FAM120A: variants seen among roughly 807,000 people sequenced by gnomAD.
FAM120A encodes constitutive coactivator of PPAR-gamma-like protein 1.
Under a neutral mutation model 109.7 loss-of-function variants are expected in FAM120A, and 15 were observed. That is an observed-to-expected ratio of 0.14 (90% confidence interval 0.09 to 0.21). FAM120A has a LOEUF of 0.21. FAM120A is among the 10% of genes least tolerant of loss of function. The pLI is 1.00. For synonymous variants in FAM120A, 493 were observed against 572.8 expected, an observed-to-expected ratio of 0.86 and a Z score of 1.99; for missense variants, 899 against 1,439.3, an observed-to-expected ratio of 0.62 and a Z score of 6.07.
intron 10 of FAM120A, among the ~76,000 whole-genome samples, chr9:93,540,524 G>A (rs113884921): frequency 1.3e-3 from 199 of 152,308 alleles, no homozygotes; most frequent in African/African-American, 4.5e-3. Context: ...AGGACTCGGA[G>A]CAGCCTTTGG....
intron 5 of FAM120A, among the ~76,000 whole-genome samples, chr9:93,511,116 C>T (rs1202250313): frequency 2.0e-5 from 3 of 151,850 alleles, no homozygotes; most frequent in East Asian, 3.9e-4. Flanking sequence ...AATTTGCTTC[C>T]GTGGTTTAAT....
intron 4 of FAM120A, among the ~76,000 whole-genome samples, chr9:93,497,912 T>C (rs1859641727): frequency 6.6e-6 from 1 of 152,222 alleles, no homozygotes; most frequent in African/African-American, 2.4e-5. Flanking sequence ...CTTAATAGGA[T>C]CTGTATTTCA....
chr9:93,504,800 C>T (rs1368733962), intron 5 of FAM120A, among the ~76,000 whole-genome samples: 3 of 152,160 alleles, frequency 2.0e-5, no homozygotes, highest in Admixed American at 2.0e-4. Flanking sequence ...CAGGGAACCT[C>T]CAGGGTAGGG....
At chr9:93,557,127 G>GTTTTTTTTTTTTTTTTTTTTTTTTGTT (rs60903831) in intron 13 of FAM120A, among the ~76,000 whole-genome samples, 1 of 120,188 alleles carries the variant, frequency 8.3e-6, no homozygotes. Flanking sequence ...GTTTGTTTTG[G>GTTTTTTTTTTTTTTTTTTTTTTTTGTT]TTTTTTTTTT....
intron 17 of FAM120A, among the ~76,000 whole-genome samples, chr9:93,563,594 T>C (rs1306197541): frequency 2.0e-5 from 3 of 152,216 alleles, no homozygotes; most frequent in South Asian, 4.1e-4. Context: ...GGTCTAATGA[T>C]AGGAGCAATT....
At position 93,529,436 on chromosome 9, in the gene FAM120A, G is replaced by A. The variant is rs144836182; in HGVS notation, c.1590G>A (p.Pro530=). The A allele has an allele frequency of 3.1e-5, 50 of 1,614,068 alleles. No homozygotes were observed. The highest frequency in any genetic ancestry group is 1.1e-4 in the East Asian group (5 of 44,888). ...AGATGGGCACTGTCCAGCCAATCCC[G>A]TGCCTCCTGTCGATGCCCACCAGGA... is the stretch of plus-strand genomic sequence containing the variant. ...GSQMGTVQPI[P]CLLSMPTRNH... is the part of the protein sequence containing the mutation. The change falls in exon 9 of 18, where the codon CCG becomes CCA. Residue 530 remains proline (P), a synonymous_variant. Coordinates refer to ENST00000277165, the MANE Select transcript of FAM120A (RefSeq NM_014612.5).
chr9:93,505,431 A>T (rs1860003813), intron 5 of FAM120A, among the ~76,000 whole-genome samples: 1 of 152,152 alleles, frequency 6.6e-6, no homozygotes, highest in South Asian at 2.1e-4. Context: ...TATATATTGG[A>T]TGCTAGTCAG....
chr9:93,533,643 C>A (rs577083639), intron 10 of FAM120A, among the ~76,000 whole-genome samples: 2 of 152,208 alleles, frequency 1.3e-5, no homozygotes. Context: ...TTGCACATGG[C>A]TGGTCACTTG....
chr9:93,493,450 A>G (rs1364501701), intron 3 of FAM120A, among the ~76,000 whole-genome samples: 1 of 152,230 alleles, frequency 6.6e-6, no homozygotes, highest in African/African-American at 2.4e-5. Flanking sequence ...ATGTGGAATC[A>G]GTGTATTTGT....
chr9:93,550,745 T>C, intron 12 of FAM120A, 54 bp downstream of exon 12: 2 of 1,371,654 alleles, frequency 1.5e-6, no homozygotes, highest in East Asian at 2.3e-5. Flanking sequence ...TGGATTTTGG[T>C]GTAATACTGC....
chr9:93,454,216 C>T (rs1224881563), intron 1 of FAM120A, among the ~76,000 whole-genome samples: 1 of 152,120 alleles, frequency 6.6e-6, no homozygotes, highest in Non-Finnish European at 1.5e-5. Context: ...CTGTATTTTG[C>T]TTTTGCTAAG....
chr9:93,459,935 CAT>C (rs1471188532), intron 1 of FAM120A, among the ~76,000 whole-genome samples: 1 of 152,176 alleles, frequency 6.6e-6, no homozygotes, highest in Admixed American at 6.5e-5. Context: ...TTTGTAAAGT[CAT>C]ATAAATGTTT....
At chr9:93,509,440 G>T (rs1018929860) in intron 5 of FAM120A, among the ~76,000 whole-genome samples, 1 of 152,226 alleles carries the variant, frequency 6.6e-6, no homozygotes, top group Non-Finnish European at 1.5e-5. Flanking sequence ...TCCAGAGATG[G>T]TCTGGTACTC....
intron 3 of FAM120A, among the ~76,000 whole-genome samples, chr9:93,494,373 A>G (rs1859478692): frequency 6.6e-6 from 1 of 152,182 alleles, no homozygotes; most frequent in Admixed American, 6.5e-5. Context: ...TGGGACCACC[A>G]TATCCTACTT....
At chr9:93,511,003 C>A (rs1331157715) in intron 5 of FAM120A, among the ~76,000 whole-genome samples, 1 of 151,716 alleles carries the variant, frequency 6.6e-6, no homozygotes, top group Non-Finnish European at 1.5e-5. Context: ...CAGCTCCCTG[C>A]TGTAGAATGT....
At chr9:93,527,624 T>G (rs1326320297) in intron 8 of FAM120A, among the ~76,000 whole-genome samples, 2 of 113,216 alleles carry the variant, frequency 1.8e-5, no homozygotes, top group Non-Finnish European at 3.5e-5. Flanking sequence ...ATTTTTTTTT[T>G]TTTTTTTTTT....
At position 93,543,284 on chromosome 9, in the gene FAM120A, C is replaced by T. The variant is rs768455873; in HGVS notation, c.1972C>T (p.Leu658=). The change falls in exon 11 of 18, where the codon CTG becomes TTG. Residue 658 remains leucine, a synonymous_variant. Transcript: ENST00000277165. ...AGGAAAGTCTCCTCAAACCCCGGAA[C>T]TGGTTGAAGCTCTTGCCTTCAGGGA... ...YKGKSPQTPE[L]VEALAFREWT... is the part of the protein sequence containing the mutation. The T allele has an allele frequency of 1.9e-6, 3 of 1,614,210 alleles. No homozygotes were observed. The highest frequency in any genetic ancestry group is 1.1e-5 in the South Asian group (1 of 91,082).
At position 93,479,248 on chromosome 9, in the gene FAM120A, G is replaced by A. The variant is rs372281569; in HGVS notation, c.804+2910G>A. 4.0e-5 allele frequency among the ~76,000 whole-genome samples: 6 copies of A among 151,796 alleles called. No homozygotes were observed. In the East Asian group the frequency reaches 7.8e-4, roughly 20 times the overall value. On this transcript the variant is annotated intron_variant, in intron 3 of 17. Coordinates refer to ENST00000277165, the MANE Select transcript of FAM120A (RefSeq NM_014612.5). Reference sequence around the variant, plus strand: ...CAAGTAGCTGGGACTACAGGCGCCCGCCACTACGCCCGGCTAATTTTTTGT... The same window carrying A: ...CAAGTAGCTGGGACTACAGGCGCCCACCACTACGCCCGGCTAATTTTTTGT...
intron 5 of FAM120A, among the ~76,000 whole-genome samples, chr9:93,503,951 C>T (rs565582973): frequency 1.3e-5 from 2 of 152,254 alleles, no homozygotes; most frequent in South Asian, 2.1e-4. Context: ...ACCGTTGCCC[C>T]TACAGATGAA....
Sources: allele counts gnomAD v4.1 joint callset (sites outside exome capture counted in the v4.1 genomes callset), GRCh38; gene constraint gnomAD v4.1.1; transcripts MANE v1.5; gene names NCBI Gene and HGNC (gene_info 2026-07-23, HGNC 2026-07-21).